The following LARGE1 variants were observed in gnomAD, a reference collection of about 807,000 sequenced individuals.
LARGE1 encodes LARGE xylosyl- and glucuronyltransferase 1.
A neutral mutation model predicts 87.6 loss-of-function variants in LARGE1; 43 were observed. That is an observed-to-expected ratio of 0.49 (90% CI 0.38 to 0.63). LARGE1 has a LOEUF of 0.63. Among genes scored for constraint, LARGE1 ranks in the 30% least tolerant of loss-of-function variants. The probability of loss-of-function intolerance (pLI) is 0.00; values close to 1 mark genes in which losing one functional copy is unlikely to be tolerated. For missense variants in LARGE1, 802 were observed against 1,000.2 expected (o/e 0.80, Z 2.67); for synonymous variants, 434 against 394.6 (o/e 1.10, Z -1.18).
At chr22:33,471,017 TTTC>T (rs1259297524) in intron 6 of LARGE1, among the ~76,000 whole-genome samples, 97 of 149,674 alleles carry the variant, frequency 6.5e-4, no homozygotes, top group Non-Finnish European at 1.1e-3. Context: ...CTTAATAGTC[TTTC>T]TTCTTCTTCT....
intron 2 of LARGE1, among the ~76,000 whole-genome samples, chr22:33,745,420 C>T (rs1201556989): frequency 6.6e-6 from 1 of 152,082 alleles, no homozygotes; most frequent in Admixed American, 6.5e-5. Flanking sequence ...GTGAGGTGCT[C>T]GTCTCTGTCA....
intron 1 of LARGE1, among the ~76,000 whole-genome samples, chr22:33,834,934 G>A (rs561317016): frequency 2.0e-5 from 3 of 152,314 alleles, no homozygotes; most frequent in South Asian, 2.1e-4. Flanking sequence ...ATGCCTCAGC[G>A]ACAAAGCTAC....
At chr22:33,882,958 G>A (rs2064740508) in intron 1 of LARGE1, among the ~76,000 whole-genome samples, 1 of 152,162 alleles carries the variant, frequency 6.6e-6, no homozygotes, top group Admixed American at 6.5e-5. Context: ...AAGAGGCCAT[G>A]AGACATGACA....
chr22:33,686,420 G>A (rs2081944370), intron 2 of LARGE1, among the ~76,000 whole-genome samples: 1 of 151,870 alleles, frequency 6.6e-6, no homozygotes, highest in Non-Finnish European at 1.5e-5. Context: ...GTGCGTGCCT[G>A]TAATCCCAGC....
chr22:33,877,890 C>A (rs1289969536), intron 1 of LARGE1, among the ~76,000 whole-genome samples: 1 of 151,728 alleles, frequency 6.6e-6, no homozygotes, highest in Non-Finnish European at 1.5e-5. Context: ...CCACTCCACT[C>A]CAGCCTGAGC....
chr22:33,441,219 G>A (rs2067463872), intron 6 of LARGE1, among the ~76,000 whole-genome samples: 1 of 151,550 alleles, frequency 6.6e-6, no homozygotes, highest in Non-Finnish European at 1.5e-5. Context: ...GATTACAGGT[G>A]CTTGCCGCCA....
chr22:33,815,534 A>G (rs1186553409), intron 1 of LARGE1, among the ~76,000 whole-genome samples: 1 of 152,120 alleles, frequency 6.6e-6, no homozygotes, highest in African/African-American at 2.4e-5. Context: ...TGGTTGAGGG[A>G]CTGGCTTTTG....
At chr22:33,508,864 T>A (rs922932650) in intron 6 of LARGE1, among the ~76,000 whole-genome samples, 2 of 151,634 alleles carry the variant, frequency 1.3e-5, no homozygotes, top group African/African-American at 4.9e-5. Context: ...AAACCCAGAG[T>A]GAATTCAAAT....
intron 11 of LARGE1, among the ~76,000 whole-genome samples, chr22:33,222,592 G>A (rs553257591): frequency 2.0e-5 from 3 of 152,184 alleles, no homozygotes; most frequent in African/African-American, 4.8e-5. Context: ...AGAGTCGGAA[G>A]AGGAGACTCA....
chr22:33,862,651 G>C (rs2063965745), intron 1 of LARGE1, among the ~76,000 whole-genome samples: 1 of 152,166 alleles, frequency 6.6e-6, no homozygotes, highest in African/African-American at 2.4e-5. Flanking sequence ...GGACACAGAG[G>C]CTAGATAGGC....
At chr22:33,663,645 G>A (rs553755682) in intron 2 of LARGE1, among the ~76,000 whole-genome samples, 8 of 152,274 alleles carry the variant, frequency 5.3e-5, no homozygotes, top group Middle Eastern at 3.4e-3. Flanking sequence ...GGGATGACGC[G>A]GCTGATTGGC....
chr22:33,837,182 T>C (rs950728716), intron 1 of LARGE1, among the ~76,000 whole-genome samples: 3 of 151,912 alleles, frequency 2.0e-5, no homozygotes, highest in African/African-American at 7.3e-5. Flanking sequence ...GCAATACTTT[T>C]AATTTATGGG....
At chr22:33,755,545 C>T in intron 2 of LARGE1, among the ~76,000 whole-genome samples, 1 of 152,192 alleles carries the variant, frequency 6.6e-6, no homozygotes, top group South Asian at 2.1e-4. Flanking sequence ...CAATAAAACC[C>T]ACTGGGCTCT....
In LARGE1 at chr22:33,731,672, C is replaced by T. The variant is rs559334008; in HGVS notation, c.106+29699G>A. Among the ~76,000 whole-genome samples the T allele has an allele frequency of 7.9e-5, 12 of 152,222 alleles. No homozygotes were observed. The South Asian group carries it at 1.0e-3, about 13-fold the overall frequency. On this transcript the variant is annotated intron_variant, in intron 2 of 14. Coordinates refer to ENST00000397394, the MANE Select transcript of LARGE1 (RefSeq NM_133642.5). ...GAGCCTATAGTTAACAATACTGTAT[C>T]GTAGACTTCGAAGTTTGCTGGGAGG...
intron 1 of LARGE1, among the ~76,000 whole-genome samples, chr22:33,763,838 C>CTTTTTTT (rs71187279): frequency 1.4e-5 from 1 of 71,180 alleles, no homozygotes; most frequent in Non-Finnish European, 2.5e-5. Context: ...AATTAGTTTG[C>CTTTTTTT]TTTTTTTTTT....
At chr22:33,550,305 C>T (rs1041087869) in intron 6 of LARGE1, among the ~76,000 whole-genome samples, 3 of 152,166 alleles carry the variant, frequency 2.0e-5, no homozygotes, top group African/African-American at 7.2e-5. Context: ...GGACCCTACA[C>T]ATTTCCATCA....
At chr22:33,509,495 A>G (rs1485301558) in intron 6 of LARGE1, among the ~76,000 whole-genome samples, 1 of 152,106 alleles carries the variant, frequency 6.6e-6, no homozygotes, top group Non-Finnish European at 1.5e-5. Flanking sequence ...TCTGTCACCC[A>G]GCCTGGAGAG....
chr22:33,140,485 A>G, the LARGE1 span, among the ~76,000 whole-genome samples: 1 of 152,212 alleles, frequency 6.6e-6, no homozygotes, highest in Non-Finnish European at 1.5e-5. Flanking sequence ...CAAAGGAGAT[A>G]AACATTTGAG....
intron 1 of LARGE1, among the ~76,000 whole-genome samples, chr22:33,809,549 CA>C (rs917819540): frequency 1.3e-5 from 2 of 152,158 alleles, no homozygotes; most frequent in Non-Finnish European, 2.9e-5. Flanking sequence ...GTGTGGGCCT[CA>C]CATTCTGCAT....
Sources: allele counts gnomAD v4.1 joint callset (sites outside exome capture counted in the v4.1 genomes callset), GRCh38; gene constraint gnomAD v4.1.1; transcripts MANE v1.5; gene names NCBI Gene and HGNC (gene_info 2026-07-23, HGNC 2026-07-21).